TCF25: variants seen among roughly 807,000 people sequenced by gnomAD.
TCF25 encodes the protein ribosome quality control complex subunit TCF25.
TCF25 carries 41 observed loss-of-function variants against 83.1 expected under a neutral mutation model. The observed-to-expected ratio is 0.49, with a 90% CI of 0.38 to 0.64. The LOEUF is 0.64. TCF25 is among the 30% of genes least tolerant of loss of function. The pLI, the probability that TCF25 is intolerant of heterozygous loss-of-function variation, is 0.00. For missense variants in TCF25, 979 were observed against 914.5 expected, an observed-to-expected ratio of 1.07 and a Z score of -0.91; for synonymous variants, 458 against 365.0, an observed-to-expected ratio of 1.25 and a Z score of -2.90.
intron 6 of TCF25, among the ~76,000 whole-genome samples, chr16:89,893,317 C>A (rs907330144): frequency 2.0e-5 from 3 of 152,202 alleles, no homozygotes; most frequent in Non-Finnish European, 4.4e-5. Context: ...CCACCTGTGC[C>A]ACCGCACTCC....
chr16:89,896,572 G>A (rs867255427), intron 9 of TCF25, among the ~76,000 whole-genome samples: 7 of 42,806 alleles, frequency 1.6e-4, no homozygotes, highest in Admixed American at 1.4e-3. Flanking sequence ...TTTTTTTTTT[G>A]AGACGGAGTC....
intron 9 of TCF25, among the ~76,000 whole-genome samples, chr16:89,897,811 CAAAA>C (rs1344743442): frequency 6.8e-6 from 1 of 147,172 alleles, no homozygotes; most frequent in Non-Finnish European, 1.5e-5. Flanking sequence ...AAATAATAAA[CAAAA>C]AAACAAGATA....
chr16:89,882,239 A>G (rs1258244948), intron 1 of TCF25, among the ~76,000 whole-genome samples: 1 of 152,210 alleles, frequency 6.6e-6, no homozygotes, highest in Non-Finnish European at 1.5e-5. Flanking sequence ...TCTCACTGCT[A>G]TAAAAAGGTT....
In TCF25 at chr16:89,873,708, G is replaced by C; in HGVS notation, c.41G>C (p.Arg14Pro). 1 of 1,609,696 alleles carries C rather than the reference G, an allele frequency of 6.2e-7. No individual in the cohort carries two copies. Among genetic ancestry groups the C allele is most frequent in the Non-Finnish European group, 8.5e-7 (1 of 1,178,824 alleles). Reference sequence around the variant, plus strand: ...CTCCGGAGGCTGAGGGGGGAACAGCGCGGCCAGGAGCCCCTCGGGCCCGGC... The same window carrying C: ...CTCCGGAGGCTGAGGGGGGAACAGCCCGGCCAGGAGCCCCTCGGGCCCGGC... ...RALRRLRGEQRGQEPLGPGAL... is the reference protein window; with the variant it reads ...RALRRLRGEQPGQEPLGPGAL... Residue 14 changes from arginine to proline, a missense_variant, in exon 1 of 18, where the codon CGC becomes CCC. Physicochemically the swap from Arg to Pro is moderately radical, Grantham distance 103. Coordinates refer to ENST00000263346, the MANE Select transcript of TCF25 (RefSeq NM_014972.3).
In TCF25 at chr16:89,911,275, G is replaced by C; in HGVS notation, c.*37G>C. 6.2e-7 allele frequency: 1 copy of C among 1,603,788 alleles called. No homozygotes were observed. The highest frequency in any genetic ancestry group is 8.5e-7 in the Non-Finnish European group (1 of 1,172,950). ...GGTGACCGAAAAGCCGTATGATGATGTTCCCGATTTCTCTGTTGGTCGGAG... is the reference window on the plus strand; with the variant it reads ...GGTGACCGAAAAGCCGTATGATGATCTTCCCGATTTCTCTGTTGGTCGGAG... On this transcript the variant is annotated 3_prime_UTR_variant, in exon 18 of 18. Transcript: ENST00000263346.
At chr16:89,895,893 T>A in intron 8 of TCF25, 97 bp from the exon 9 acceptor site, 1 of 1,148,054 alleles carries the variant, frequency 8.7e-7, no homozygotes, top group Non-Finnish European at 1.2e-6. Context: ...TTCGTGACCT[T>A]CCGTCCAGAC....
intron 13 of TCF25, 62 bp downstream of exon 13, chr16:89,904,267 T>C: frequency 6.5e-7 from 1 of 1,530,172 alleles, no homozygotes. Context: ...TGGGAGCCAT[T>C]TTCACTCATC....
At position 89,886,071 on chromosome 16, in the gene TCF25, C is replaced by A. The variant is rs574030563; in HGVS notation, c.548+105C>A. 1.5e-5 allele frequency: 10 copies of A among 680,088 alleles called. No individual in the cohort carries two copies. In the African/African-American group the frequency reaches 2.7e-4, roughly 18 times the overall value. The allele number at this position is 680,088 out of a possible 1,614,324, so 42.1% of individuals were successfully genotyped here. ...TTCTCTGTGGCTGCCACAGAGACTT[C>A]GTGGGAGGAAAAGGTTCTCTAAAAA... On this transcript the variant is annotated intron_variant, in intron 4 of 17. Transcript: ENST00000263346.
chr16:89,896,623 G>A (rs1438507057), intron 9 of TCF25, among the ~76,000 whole-genome samples: 1 of 148,350 alleles, frequency 6.7e-6, no homozygotes, highest in Admixed American at 6.9e-5. Flanking sequence ...GCGCGATCTC[G>A]GCTCACTGCA....
rs1336461758 is a variant in TCF25 at position 89,900,800 on chromosome 16, T to C, written c.1381+6T>C. 1.3e-6 allele frequency: 2 copies of C among 1,566,048 alleles called. No individual in the cohort carries two copies. Among genetic ancestry groups the C allele is most frequent in the South Asian group, 1.1e-5 (1 of 88,782 alleles). ...GCTCACCATGTTCCCTGGAGGTGAG[T>C]GAGCGCTGTGTCTCGCCTGGGGTAG... On this transcript the variant is annotated splice_donor_region_variant and intron_variant, in intron 12 of 17. Transcript: ENST00000263346.
At chr16:89,897,554 G>T (rs1255845050) in intron 9 of TCF25, among the ~76,000 whole-genome samples, 1 of 152,210 alleles carries the variant, frequency 6.6e-6, no homozygotes, top group African/African-American at 2.4e-5. Context: ...TCCTCCACTG[G>T]TTTTCTTTAT....
intron 12 of TCF25, among the ~76,000 whole-genome samples, chr16:89,903,187 A>G (rs1355444426): frequency 6.6e-6 from 1 of 152,244 alleles, no homozygotes; most frequent in African/African-American, 2.4e-5. Context: ...ACCTCCCTTG[A>G]AGGCAGGTGG....
chr16:89,911,266 TATG>T lies in TCF25; in HGVS notation c.*35_*37del, dbSNP rs1291159103. ...GTCCGCAGAGGTGACCGAAAAGCCG[TATG>T]ATGATGTTCCCGATTTCTCTGTTGG... On this transcript the variant is annotated 3_prime_UTR_variant, in exon 18 of 18. Transcript: ENST00000263346. 49 of 1,605,964 alleles carry T rather than the reference TATG, an allele frequency of 3.1e-5. No individual in the cohort carries two copies. Among genetic ancestry groups the T allele is most frequent in the Non-Finnish European group, 4.1e-5 (48 of 1,174,826 alleles).
intron 11 of TCF25, 51 bp from the exon 12 acceptor site, chr16:89,900,584 T>A: frequency 6.6e-7 from 1 of 1,518,472 alleles, no homozygotes; most frequent in Non-Finnish European, 9.0e-7. Context: ...AACTCACATA[T>A]TTTGTCTTTA....
At position 89,893,610 on chromosome 16, in the gene TCF25, T is replaced by C. The variant is rs144529296; in HGVS notation, c.698-118T>C. The C allele has an allele frequency of 1.3e-4, 192 of 1,512,092 alleles. No individual in the cohort carries two copies. The African/African-American group carries it at 2.3e-3, about 18-fold the overall frequency. 93.7% of individuals were successfully genotyped at this position (1,512,092 alleles called of 1,614,324 possible). Reference sequence around the variant, plus strand: ...TGACACCCATGAGTACACACTCAGGTCAAGTTTGTCGATATCGCAGAGGCC... The same window carrying C: ...TGACACCCATGAGTACACACTCAGGCCAAGTTTGTCGATATCGCAGAGGCC... On this transcript the variant is annotated intron_variant, in intron 6 of 17. Coordinates refer to ENST00000263346, the MANE Select transcript of TCF25 (RefSeq NM_014972.3).
At chr16:89,907,500 T>C (rs943889383) in intron 16 of TCF25, among the ~76,000 whole-genome samples, 178 bp downstream of exon 16, 10 of 7,476 alleles carry the variant, frequency 1.3e-3, no homozygotes, top group Non-Finnish European at 2.3e-3. Context: ...CCCACCTCCC[T>C]CCTCCCACCT....
At chr16:89,904,047 A>C (rs998762200) in intron 12 of TCF25, 71 bp from the exon 13 acceptor site, 5 of 1,479,716 alleles carry the variant, frequency 3.4e-6, no homozygotes, top group Non-Finnish European at 4.6e-6. Flanking sequence ...TGTGTCCCTT[A>C]CTGCCTTGGG....
intron 5 of TCF25, chr16:89,889,402 C>T (rs1379475594): frequency 3.1e-5 from 8 of 256,476 alleles, no homozygotes; most frequent in Non-Finnish European, 3.1e-5. Context: ...ATGTCAAACT[C>T]CTGGCTTCAA....
chr16:89,878,333 C>G (rs1158319783), intron 1 of TCF25: 1 of 884,198 alleles, frequency 1.1e-6, no homozygotes, highest in African/African-American at 1.8e-5. Flanking sequence ...TGCCGGTAAT[C>G]CCAGCACTGT....
Sources: gnomAD v4.1 joint callset for allele counts (sites outside exome capture counted in the v4.1 genomes callset) on GRCh38, gnomAD v4.1.1 for gene constraint, MANE v1.5 for transcripts, NCBI Gene and HGNC (gene_info 2026-07-23, HGNC 2026-07-21) for gene names.